Variants in NDUFS4 observed in about 807,000 individuals in gnomAD.
NDUFS4 encodes the protein NADH:ubiquinone oxidoreductase subunit S4.
Under a neutral mutation model 24.3 loss-of-function variants are expected in NDUFS4, and 28 were observed. The ratio of observed to expected loss-of-function variants is 1.15; its 90% confidence interval spans 0.85 to 1.58. The LOEUF (loss-of-function observed/expected upper bound fraction) is 1.58, where lower values mean the gene tolerates loss of function less well. NDUFS4 is among the 40% of genes most tolerant of loss of function. The pLI is 0.00. For missense variants in NDUFS4, 223 were observed against 207.9 expected (o/e 1.07, Z -0.45); for synonymous variants, 93 against 69.7 (o/e 1.34, Z -1.67).
chr5:53,590,788 A>C (rs185176048), intron 1 of NDUFS4, among the ~76,000 whole-genome samples: 2 of 152,308 alleles, frequency 1.3e-5, no homozygotes, highest in South Asian at 4.1e-4. Flanking sequence ...TATACATACT[A>C]TGAAATTTAC....
chr5:53,561,960 T>C lies in NDUFS4; in HGVS notation c.98+1200T>C, dbSNP rs1748860057. 6.6e-5 allele frequency among the ~76,000 whole-genome samples: 10 copies of C among 152,172 alleles called. No homozygotes were observed. In the South Asian group the frequency reaches 2.1e-3, roughly 32 times the overall value. On this transcript the variant is annotated intron_variant, in intron 1 of 4. Transcript: ENST00000296684. ...TAAGATTGGGGAAAGGCAAATGATG[T>C]TTGTAATTAAGTGTTCCATATATGG... is the stretch of plus-strand genomic sequence containing the variant.
intron 4 of NDUFS4, among the ~76,000 whole-genome samples, chr5:53,672,434 G>T (rs1258897443): frequency 2.0e-5 from 3 of 152,066 alleles, no homozygotes; most frequent in Admixed American, 1.3e-4. Flanking sequence ...GGGTTTTGGT[G>T]GGGGAGGTCT....
At chr5:53,618,874 G>T (rs555850166) in intron 2 of NDUFS4, among the ~76,000 whole-genome samples, 1 of 152,142 alleles carries the variant, frequency 6.6e-6, no homozygotes, top group Admixed American at 6.5e-5. Context: ...AGCACTTTGG[G>T]AGGCTGAGGT....
At chr5:53,561,690 T>C (rs919718846) in intron 1 of NDUFS4, among the ~76,000 whole-genome samples, 5 of 152,008 alleles carry the variant, frequency 3.3e-5, no homozygotes, top group African/African-American at 1.2e-4. Flanking sequence ...TGGTTAAAAG[T>C]TGAAAGGAAG....
At chr5:53,658,460 G>A in intron 3 of NDUFS4, 91 bp from the exon 4 acceptor site, 1 of 855,758 alleles carries the variant, frequency 1.2e-6, no homozygotes, top group Non-Finnish European at 2.0e-6. Flanking sequence ...GTACTTATTT[G>A]ATTTTATAGT....
chr5:53,591,138 A>G (rs1036378508), intron 1 of NDUFS4, among the ~76,000 whole-genome samples: 8 of 152,152 alleles, frequency 5.3e-5, no homozygotes, highest in African/African-American at 1.4e-4. Context: ...ATAATATTCA[A>G]TTGTATGTAT....
chr5:53,572,182 G>A (rs1430604461), intron 1 of NDUFS4, among the ~76,000 whole-genome samples: 1 of 152,136 alleles, frequency 6.6e-6, no homozygotes, highest in Non-Finnish European at 1.5e-5. Context: ...ATAAGCTGGG[G>A]GAAACAGCAA....
chr5:53,600,688 G>T (rs538020390), intron 1 of NDUFS4, among the ~76,000 whole-genome samples: 1 of 152,142 alleles, frequency 6.6e-6, no homozygotes, highest in African/African-American at 2.4e-5. Flanking sequence ...CAGAATTGGA[G>T]AAAAACTTTT....
At chr5:53,639,773 A>C (rs1561380083) in intron 2 of NDUFS4, among the ~76,000 whole-genome samples, 1 of 152,154 alleles carries the variant, frequency 6.6e-6, no homozygotes. Context: ...ACTTTGTTTA[A>C]ACTTGTTTCT....
At position 53,648,879 on chromosome 5, in the gene NDUFS4, G is replaced by A. The variant is rs187263159; in HGVS notation, c.350+2474G>A. Among the ~76,000 whole-genome samples, 19 of 152,192 alleles carry A rather than the reference G, an allele frequency of 1.2e-4. 1 individual carries two copies. The East Asian group carries it at 3.7e-3, about 29-fold the overall frequency. On this transcript the variant is annotated intron_variant, in intron 3 of 4. Transcript: ENST00000296684. ...ACAAAAACACAATATCCCCACCAAT[G>A]TGAGATGTTGGATCACATTTTTGTA...
chr5:53,618,570 T>G (rs1294036112), intron 2 of NDUFS4, among the ~76,000 whole-genome samples: 1 of 152,136 alleles, frequency 6.6e-6, no homozygotes, highest in Non-Finnish European at 1.5e-5. Flanking sequence ...GTCATGTAAC[T>G]TGCCTTTTCT....
chr5:53,671,329 T>TG (rs1483297116), intron 4 of NDUFS4, among the ~76,000 whole-genome samples: 7 of 152,136 alleles, frequency 4.6e-5, no homozygotes, highest in Non-Finnish European at 4.4e-5. Context: ...TCACTTCTTA[T>TG]GGAAGGCTGG....
At chr5:53,640,132 G>T (rs953650017) in intron 2 of NDUFS4, among the ~76,000 whole-genome samples, 3 of 151,590 alleles carry the variant, frequency 2.0e-5, no homozygotes, top group African/African-American at 7.3e-5. Flanking sequence ...GGGAGACCTT[G>T]AATCCCTTGA....
At chr5:53,582,767 T>C (rs115399821) in intron 1 of NDUFS4, among the ~76,000 whole-genome samples, 2,381 of 152,322 alleles carry the variant, frequency 0.016, 83 homozygotes, top group African/African-American at 0.055. Context: ...TGTTTGTTTT[T>C]ACAGGCTAAC....
rs1748960881 is a variant in NDUFS4 at position 53,564,627 on chromosome 5, C to G, written c.98+3867C>G. Among the ~76,000 whole-genome samples, 3 of 152,250 alleles carry G rather than the reference C, an allele frequency of 2.0e-5. No individual in the cohort carries two copies. In the South Asian group the frequency reaches 6.2e-4, roughly 32 times the overall value. Reference sequence around the variant, plus strand: ...CAATCTTGGCTCATGCAACCTCCACCCTCTGGGCTCAGGTGATCCTCCTGC... The same window carrying G: ...CAATCTTGGCTCATGCAACCTCCACGCTCTGGGCTCAGGTGATCCTCCTGC... On this transcript the variant is annotated intron_variant, in intron 1 of 4. Transcript: ENST00000296684.
At chr5:53,620,739 A>G (rs758640013) in intron 2 of NDUFS4, among the ~76,000 whole-genome samples, 27 of 152,196 alleles carry the variant, frequency 1.8e-4, no homozygotes, top group Admixed American at 2.0e-4. Flanking sequence ...TGAAATATCT[A>G]CAGTACTTCA....
chr5:53,564,772 C>T (rs1056507089), intron 1 of NDUFS4, among the ~76,000 whole-genome samples: 6 of 152,098 alleles, frequency 3.9e-5, no homozygotes, highest in Non-Finnish European at 5.9e-5. Flanking sequence ...CCAAGTGATC[C>T]GTGTGCCTTG....
chr5:53,646,760 T>G (rs913823383), intron 3 of NDUFS4, among the ~76,000 whole-genome samples: 1 of 152,148 alleles, frequency 6.6e-6, no homozygotes, highest in Non-Finnish European at 1.5e-5. Context: ...CAATAAGATA[T>G]TTCGAGATAG....
chr5:53,660,552 C>T (rs1468823581), intron 4 of NDUFS4, among the ~76,000 whole-genome samples: 1 of 152,090 alleles, frequency 6.6e-6, no homozygotes. Flanking sequence ...ATTTCTAGTA[C>T]TAGATGCCTG....
Sources: gnomAD v4.1 joint callset for allele counts (sites outside exome capture counted in the v4.1 genomes callset) on GRCh38, gnomAD v4.1.1 for gene constraint, MANE v1.5 for transcripts, NCBI Gene and HGNC (gene_info 2026-07-23, HGNC 2026-07-21) for gene names.